Variants in DGKQ observed in about 807,000 individuals in gnomAD.
DGKQ encodes DAG kinase theta.
In DGKQ, 97 loss-of-function variants were observed where a neutral mutation model predicts 104.2. That is an observed-to-expected ratio of 0.93 (90% CI 0.79 to 1.10). The LOEUF (loss-of-function observed/expected upper bound fraction) is 1.10. Among genes scored for constraint, DGKQ ranks in the 50% least tolerant of loss-of-function variants. The probability of loss-of-function intolerance (pLI) is 0.00; values close to 1 mark genes in which losing one functional copy is unlikely to be tolerated. For missense variants in DGKQ, 1,465 were observed against 1,352.1 expected, an observed-to-expected ratio of 1.08 and a Z score of -1.31; for synonymous variants, 736 against 595.2, an observed-to-expected ratio of 1.24 and a Z score of -3.44.
rs150499089 is a variant in DGKQ, at chr4:972,844, G to C, written c.271+368C>G. ...GCTGGGACTCTGGGCCACAGCATGA[G>C]AAGGGCTAGGGCCAGGGGCCCAGGC... On this transcript the variant is annotated intron_variant, in intron 1 of 22. Coordinates refer to ENST00000273814, the MANE Select transcript of DGKQ (RefSeq NM_001347.4). Among the ~76,000 whole-genome samples, 26 of 152,338 alleles carry C rather than the reference G, an allele frequency of 1.7e-4. No individual in the cohort carries two copies. In the East Asian group the frequency reaches 4.8e-3, roughly 28 times the overall value.
chr4:960,530 T>TG lies in DGKQ; in HGVS notation c.*89dup. ...CAGGTCCGACCACAGGGCCGGCCAC[T>TG]GTGTGGACGTGGAGCTGCCTCCAGA... On this transcript the variant is annotated 3_prime_UTR_variant, in exon 23 of 23. Transcript: ENST00000273814. 8.2e-7 allele frequency: 1 copy of TG among 1,222,558 alleles called. No individual in the cohort carries two copies. The highest frequency in any genetic ancestry group is 1.3e-5 in the South Asian group (1 of 79,284). 75.7% of individuals were successfully genotyped at this position (1,222,558 alleles called of 1,614,324 possible). A position where few individuals can be genotyped will look rare whatever the true frequency, so the allele number is the denominator to read the frequency against.
At chr4:960,785 AGCCCCCGGTCCTGG>A (rs1336234743) in intron 22 of DGKQ, 64 bp from the exon 23 acceptor site, 1 of 1,580,298 alleles carries the variant, frequency 6.3e-7, no homozygotes, top group African/African-American at 1.3e-5. Context: ...GTACACGGGC[AGCCCCCGGTCCTGG>A]GGCCCCGGGC....
intron 12 of DGKQ, 76 bp downstream of exon 12, chr4:966,390 C>T: frequency 1.3e-6 from 2 of 1,510,460 alleles, no homozygotes; most frequent in South Asian, 1.1e-5. Flanking sequence ...GCGTCTGGGG[C>T]ACACCCACCC....
In DGKQ at chr4:961,949, G is replaced by A. The variant is rs200361869; in HGVS notation, c.2315+33C>T. On this transcript the variant is annotated intron_variant, in intron 19 of 22. Coordinates refer to ENST00000273814, the MANE Select transcript of DGKQ (RefSeq NM_001347.4). The stretch of plus-strand genomic sequence containing the variant: ...CTGGGGGACCTGAGGGAGGTATGCC[G>A]TTGACAGGTGGTAGCCCCTGCGGCT... The A allele has an allele frequency of 7.6e-4, 1,228 of 1,610,548 alleles. 4 individuals are homozygous for A. The highest frequency in any genetic ancestry group is 4.3e-3 in the African/African-American group (321 of 74,960).
intron 10 of DGKQ, 33 bp from the exon 11 acceptor site, chr4:966,835 C>A: frequency 1.9e-6 from 3 of 1,596,438 alleles, no homozygotes; most frequent in South Asian, 1.1e-5. Context: ...CGGGTCTGGG[C>A]AGGCCCCCAC....
At chr4:970,936 C>A (rs182175756) in intron 2 of DGKQ, 57 bp downstream of exon 2, 320 of 1,388,260 alleles carry the variant, frequency 2.3e-4, no homozygotes, top group Non-Finnish European at 3.1e-4. Flanking sequence ...CTCGACCCTA[C>A]GAGAGCTGAC....
chr4:967,818 A>G lies in DGKQ; in HGVS notation c.812-16T>C. On this transcript the variant is annotated splice_polypyrimidine_tract_variant and intron_variant, in intron 6 of 22. Coordinates refer to ENST00000273814, the MANE Select transcript of DGKQ (RefSeq NM_001347.4). ...CCCCCCTCGCCTGCGGGTCGGGCACACGGACCCCTCATTCAGTGCGCAGCC... is the reference window on the plus strand; with the variant it reads ...CCCCCCTCGCCTGCGGGTCGGGCACGCGGACCCCTCATTCAGTGCGCAGCC... The G allele has an allele frequency of 6.3e-7, 1 of 1,583,908 alleles. No individual in the cohort carries two copies. The highest frequency in any genetic ancestry group is 8.6e-7 in the Non-Finnish European group (1 of 1,166,556).
chr4:962,723 G>A, intron 17 of DGKQ, 49 bp downstream of exon 17: 1 of 1,595,580 alleles, frequency 6.3e-7, no homozygotes, highest in Non-Finnish European at 8.5e-7. Flanking sequence ...AGCTGCACAG[G>A]AAGGGGTAGA....
chr4:966,518 G>A lies in DGKQ; in HGVS notation c.1376C>T (p.Thr459Met), dbSNP rs750369952. ...VAMGCRHVQR[T>M]MLMDEQPLLD... ...CAGGGGCTGTTCGTCCATCAGCATC[G>A]TCCGCTGGACTGCAGAGGTGAGGGC... The change falls in exon 12 of 23, where the codon ACG becomes ATG. Residue 459 changes from threonine to methionine, a missense_variant. Physicochemically the swap from Thr to Met is moderately conservative, Grantham distance 81 (BLOSUM62 -1). Transcript: ENST00000273814. The A allele has an allele frequency of 1.1e-5, 17 of 1,612,178 alleles. No individual in the cohort carries two copies. The highest frequency in any genetic ancestry group is 3.3e-5 in the South Asian group (3 of 91,050).
intron 22 of DGKQ, 28 bp downstream of exon 22, chr4:961,021 C>A: frequency 5.6e-6 from 9 of 1,610,112 alleles, no homozygotes; most frequent in Non-Finnish European, 7.6e-6. Context: ...GCCCACCTCC[C>A]CTGGCTCTCC....
intron 15 of DGKQ, 50 bp from the exon 16 acceptor site, chr4:963,340 C>A: frequency 6.5e-7 from 1 of 1,545,764 alleles, no homozygotes; most frequent in Non-Finnish European, 8.8e-7. Flanking sequence ...TGGGGTGTCC[C>A]CACTGCTGGG....
In DGKQ at chr4:967,185, G is replaced by A; in HGVS notation, c.1164C>T (p.Val388=). The change falls in exon 9 of 23, where the codon GTC becomes GTT. Residue 388 remains valine (V), a synonymous_variant. Transcript: ENST00000273814. ...GSGEATPEAW[V]IRALPRAQEV... Reference sequence around the variant, plus strand: ...CCTGGGCCCGCGGCAGAGCCCGGATGACCCAGGCCTCTGGCGTGGCCTCGC... The same window carrying A: ...CCTGGGCCCGCGGCAGAGCCCGGATAACCCAGGCCTCTGGCGTGGCCTCGC... 12 of 1,599,090 alleles carry A rather than the reference G, an allele frequency of 7.5e-6. No homozygotes were observed. Among genetic ancestry groups the A allele is most frequent in the Non-Finnish European group, 9.4e-6 (11 of 1,173,726 alleles).
intron 5 of DGKQ, 124 bp downstream of exon 5, chr4:968,158 C>T (rs1361508241): frequency 2.5e-6 from 2 of 807,344 alleles, no homozygotes; most frequent in Non-Finnish European, 3.6e-6. Context: ...CGCCCGCCCC[C>T]GAGCACCCAC....
At position 973,271 on chromosome 4, in the gene DGKQ, G is replaced by C; in HGVS notation, c.212C>G (p.Pro71Arg). The C allele has an allele frequency of 6.5e-7, 1 of 1,546,670 alleles. No homozygotes were observed. The highest frequency in any genetic ancestry group is 8.7e-7 in the Non-Finnish European group (1 of 1,149,718). Reference sequence around the variant, plus strand: ...GTCGGAGCAGAGGTGGCAGAAGGTGGGCTTGGTGAGCGTCACCTTCCGGAA... The same window carrying C: ...GTCGGAGCAGAGGTGGCAGAAGGTGCGCTTGGTGAGCGTCACCTTCCGGAA... Reference protein sequence around the residue: ...HSFRKVTLTKPTFCHLCSDFI... With the variant: ...HSFRKVTLTKRTFCHLCSDFI... Residue 71 changes from proline (P) to arginine (R), a missense_variant, in exon 1 of 23, where the codon CCC becomes CGC. Physicochemically the swap from Pro to Arg is moderately radical, Grantham distance 103 (BLOSUM62 -2). Coordinates refer to ENST00000273814, the MANE Select transcript of DGKQ (RefSeq NM_001347.4).
chr4:962,642 G>A (rs1711977110), intron 17 of DGKQ, 29 bp from the exon 18 acceptor site: 4 of 1,600,000 alleles, frequency 2.5e-6, no homozygotes, highest in Non-Finnish European at 3.4e-6. Flanking sequence ...CAGAGCATCT[G>A]TCCACACCCA....
chr4:962,307 G>A (rs916115437), intron 18 of DGKQ, 128 bp downstream of exon 18: 8 of 1,055,598 alleles, frequency 7.6e-6, no homozygotes, highest in East Asian at 5.2e-5. Context: ...TCAACTGCCC[G>A]CTTTGCAGAG....
At position 966,993 on chromosome 4, in the gene DGKQ, G is replaced by A. The variant is rs376863832; in HGVS notation, c.1282C>T (p.Leu428=). The A allele has an allele frequency of 9.6e-5, 150 of 1,566,030 alleles. No individual in the cohort carries two copies. The highest frequency in any genetic ancestry group is 1.2e-4 in the Non-Finnish European group (137 of 1,158,058). The change falls in exon 10 of 23, where the codon CTG becomes TTG. Residue 428 remains leucine, a synonymous_variant. Transcript: ENST00000273814. ...CGGCCGAGCAGCGGCAGGACCTCCA[G>A]CACCACAGAGCGGGCCGTGCTCTTC... ...TPKSTARSVV[L]EVLPLLGRQA...
At chr4:967,841 G>T in intron 6 of DGKQ, 39 bp from the exon 7 acceptor site, 1 of 1,526,476 alleles carries the variant, frequency 6.6e-7, no homozygotes. Context: ...TCAGTGCGCA[G>T]CCCCCAGCCC....
chr4:969,833 G>C (rs1352595128), intron 2 of DGKQ, among the ~76,000 whole-genome samples: 1 of 152,110 alleles, frequency 6.6e-6, no homozygotes, highest in Admixed American at 6.6e-5. Flanking sequence ...GGATGGTCTC[G>C]ATCTCCTGAC....
Sources: allele counts gnomAD v4.1 joint callset (sites outside exome capture counted in the v4.1 genomes callset), GRCh38; gene constraint gnomAD v4.1.1; transcripts MANE v1.5; gene names NCBI Gene and HGNC (gene_info 2026-07-23, HGNC 2026-07-21).